Variants in DLG2 observed in about 807,000 individuals in gnomAD.
DLG2 encodes the protein discs large MAGUK scaffold protein 2, also known as disks large homolog 2.
In DLG2, 45 loss-of-function variants were observed where a neutral mutation model predicts 132.5. The observed-to-expected ratio is 0.34, with a 90% CI of 0.27 to 0.44. The LOEUF is 0.44. DLG2 is among the 20% of genes least tolerant of loss of function. The pLI is 1.00. For missense variants in DLG2, 1,045 were observed against 1,196.9 expected, an observed-to-expected ratio of 0.87 and a Z score of 1.87; for synonymous variants, 424 against 419.6, an observed-to-expected ratio of 1.01 and a Z score of -0.13.
At chr11:84,850,101 C>G (rs189729922) in intron 6 of DLG2, among the ~76,000 whole-genome samples, 1 of 152,174 alleles carries the variant, frequency 6.6e-6, no homozygotes, top group East Asian at 1.9e-4. Flanking sequence ...ATTAATGCCC[C>G]TTGGTCTTGG....
At chr11:85,041,055 A>G (rs2061819432) in intron 6 of DLG2, among the ~76,000 whole-genome samples, 2 of 151,832 alleles carry the variant, frequency 1.3e-5, no homozygotes, top group African/African-American at 4.8e-5. Flanking sequence ...GGCAGGGGGA[A>G]CAGGGGTCCA....
chr11:85,442,386 G>C (rs895421695), intron 3 of DLG2, among the ~76,000 whole-genome samples: 4 of 152,050 alleles, frequency 2.6e-5, no homozygotes, highest in African/African-American at 9.7e-5. Flanking sequence ...GTATAAATAT[G>C]GTCAAGTTAT....
rs545136481 is a variant in DLG2 at position 84,265,029 on chromosome 11, T to G, written c.520-13738A>C. On this transcript the variant is annotated intron_variant, in intron 7 of 27. Transcript: ENST00000376104. ...TCATAAAAGTAGTAATAAAAGAGTT[T>G]AGAACTTGGATTATCTGTCTGGGAT... Among the ~76,000 whole-genome samples, 29 of 152,340 alleles carry G rather than the reference T, an allele frequency of 1.9e-4. No homozygotes were observed. The South Asian group carries it at 5.8e-3, about 30-fold the overall frequency.
intron 8 of DLG2, among the ~76,000 whole-genome samples, chr11:84,165,586 GT>G (rs958879730): frequency 6.6e-5 from 10 of 152,076 alleles, no homozygotes; most frequent in Admixed American, 3.3e-4. Flanking sequence ...TGCCATCAAG[GT>G]TGCAATGTAA....
intron 6 of DLG2, among the ~76,000 whole-genome samples, chr11:84,974,014 G>T (rs1426318452): frequency 6.6e-6 from 1 of 152,140 alleles, no homozygotes; most frequent in Non-Finnish European, 1.5e-5. Context: ...TAAGATGAAA[G>T]TAGATAGTCC....
chr11:85,493,790 G>A (rs1299844626), intron 3 of DLG2, among the ~76,000 whole-genome samples: 4 of 144,884 alleles, frequency 2.8e-5, no homozygotes, highest in African/African-American at 1.0e-4. Flanking sequence ...GAAGGAGGGA[G>A]GAAGGAAAGG....
rs1437648289 is a variant in DLG2, at chr11:84,059,236, C to T, written c.919+79G>A. 3 of 1,391,820 alleles carry T rather than the reference C, an allele frequency of 2.2e-6. No homozygotes were observed. In the African/African-American group the frequency reaches 4.3e-5, roughly 20 times the overall value. 86.2% of individuals were successfully genotyped at this position (1,391,820 alleles called of 1,614,324 possible). Reference sequence around the variant, plus strand: ...ACTGAATGTCAGAGGTTAAAGAGTTCATCATACGACTATCGTGGCATAAAC... The same window carrying T: ...ACTGAATGTCAGAGGTTAAAGAGTTTATCATACGACTATCGTGGCATAAAC... On this transcript the variant is annotated intron_variant, in intron 11 of 27. Coordinates refer to ENST00000376104, the MANE Select transcript of DLG2 (RefSeq NM_001142699.3).
At chr11:84,125,101 C>A (rs1055410694) in intron 9 of DLG2, among the ~76,000 whole-genome samples, 1 of 152,018 alleles carries the variant, frequency 6.6e-6, no homozygotes, top group Non-Finnish European at 1.5e-5. Flanking sequence ...ATGCCCGTCT[C>A]GGCCTCCCAA....
intron 21 of DLG2, among the ~76,000 whole-genome samples, chr11:83,522,554 C>G (rs2095507996): frequency 6.6e-6 from 1 of 152,024 alleles, no homozygotes; most frequent in Non-Finnish European, 1.5e-5. Context: ...TCTGTGCCTT[C>G]TAATTTACAT....
chr11:84,373,256 A>AAAAAAAC (rs765279219), intron 7 of DLG2, among the ~76,000 whole-genome samples: 1,445 of 85,570 alleles, frequency 0.017, 67 homozygotes, highest in Non-Finnish European at 0.026. Flanking sequence ...AGTCAAAAAA[A>AAAAAAAC]AAAAAAAACA....
At chr11:84,219,526 G>A (rs1047238161) in intron 8 of DLG2, among the ~76,000 whole-genome samples, 2 of 152,168 alleles carry the variant, frequency 1.3e-5, no homozygotes, top group African/African-American at 4.8e-5. Context: ...CTTGGGATAT[G>A]GTAAATTCGC....
chr11:83,802,314 C>G (rs1444452508), intron 17 of DLG2, among the ~76,000 whole-genome samples: 2 of 152,122 alleles, frequency 1.3e-5, no homozygotes, highest in Non-Finnish European at 2.9e-5. Flanking sequence ...AATTCCTACC[C>G]TTCAAGATCT....
intron 4 of DLG2, among the ~76,000 whole-genome samples, chr11:85,239,463 G>C (rs1467037995): frequency 6.6e-6 from 1 of 151,940 alleles, no homozygotes; most frequent in Non-Finnish European, 1.5e-5. Context: ...TGACATACCT[G>C]ACTTCCTCCT....
At chr11:84,962,781 G>T (rs74788745) in intron 6 of DLG2, among the ~76,000 whole-genome samples, 1 of 152,202 alleles carries the variant, frequency 6.6e-6, no homozygotes, top group Non-Finnish European at 1.5e-5. Flanking sequence ...TAAGTTGAAA[G>T]AATGTGGGAA....
chr11:84,491,136 G>A (rs1474297970), intron 7 of DLG2, among the ~76,000 whole-genome samples: 1 of 151,976 alleles, frequency 6.6e-6, no homozygotes, highest in African/African-American at 2.4e-5. Flanking sequence ...CAAAGTCAGG[G>A]GAAATCGGAA....
intron 6 of DLG2, among the ~76,000 whole-genome samples, chr11:84,690,854 T>C (rs1207947418): frequency 6.6e-6 from 1 of 151,894 alleles, no homozygotes; most frequent in Non-Finnish European, 1.5e-5. Context: ...ATTTAACCAC[T>C]GTACTCAGTG....
intron 18 of DLG2, chr11:83,651,736 T>C (rs2070534785): frequency 4.7e-6 from 2 of 423,836 alleles, no homozygotes; most frequent in South Asian, 1.8e-5. Flanking sequence ...TACTTTATAA[T>C]GCTGTTTGGT....
chr11:85,147,204 A>G (rs2076924880), intron 5 of DLG2, among the ~76,000 whole-genome samples: 1 of 152,164 alleles, frequency 6.6e-6, no homozygotes, highest in African/African-American at 2.4e-5. Context: ...TTTGGTTCTT[A>G]TGAAGGTGCT....
intron 10 of DLG2, among the ~76,000 whole-genome samples, chr11:84,061,742 C>A (rs1457886902): frequency 6.6e-6 from 1 of 150,568 alleles, no homozygotes; most frequent in South Asian, 2.1e-4. Flanking sequence ...AGAGCAGTCT[C>A]AAAATCTTGA....
Sources: allele counts gnomAD v4.1 joint callset (sites outside exome capture counted in the v4.1 genomes callset), GRCh38; gene constraint gnomAD v4.1.1; transcripts MANE v1.5; gene names NCBI Gene and HGNC (gene_info 2026-07-23, HGNC 2026-07-21).